Variants in TRIM67 observed in about 807,000 individuals in gnomAD.
TRIM67 encodes the protein tripartite motif containing 67, also known as tripartite motif-containing protein 67.
A neutral mutation model predicts 71.0 loss-of-function variants in TRIM67; 39 were observed. That is an observed-to-expected ratio of 0.55 (90% confidence interval 0.43 to 0.72). The LOEUF (loss-of-function observed/expected upper bound fraction) is 0.72, where lower values mean the gene tolerates loss of function less well. TRIM67 is among the 30% of genes least tolerant of loss of function. The pLI is 0.00. For synonymous variants in TRIM67, 481 were observed against 473.9 expected (o/e 1.01, Z -0.19); for missense variants, 973 against 1,079.2 (o/e 0.90, Z 1.38).
Position 231,220,055 on chromosome 1 carries a change from C to T in TRIM67, c.*4615C>T, listed in dbSNP as rs1684103805. 17 of 867,890 alleles carry T rather than the reference C, an allele frequency of 2.0e-5. No individual in the cohort carries two copies. The highest frequency in any genetic ancestry group is 2.8e-5 in the Non-Finnish European group (17 of 604,478). 53.8% of individuals were successfully genotyped at this position (867,890 alleles called of 1,614,324 possible). A position where few individuals can be genotyped will look rare whatever the true frequency, so the allele number is the denominator to read the frequency against. On this transcript the variant is annotated 3_prime_UTR_variant, in exon 10 of 10. Transcript: ENST00000366653. ...AATGAGACTAGTCATACTAACCTAC[C>T]TCCTCTGATGTATTGTGAGGATTAT... is the stretch of plus-strand genomic sequence containing the variant.
chr1:231,180,452 A>G (rs1013158817), intron 1 of TRIM67, among the ~76,000 whole-genome samples: 2 of 152,166 alleles, frequency 1.3e-5, no homozygotes, highest in African/African-American at 4.8e-5. Flanking sequence ...ACTGTCTTTA[A>G]GAACAACTTC....
intron 3 of TRIM67, among the ~76,000 whole-genome samples, chr1:231,199,628 A>G (rs1184720160): frequency 2.0e-5 from 3 of 152,080 alleles, no homozygotes; most frequent in Non-Finnish European, 4.4e-5. Flanking sequence ...TGAGTCCCTA[A>G]CTCAGCCAGG....
rs3049035 is a variant in TRIM67, at chr1:231,193,503, G to GCTCTCTCTCTCTCTCTCTCTCTCT, written c.1045-3844_1045-3821dup. 4.3e-4 allele frequency among the ~76,000 whole-genome samples: 35 copies of GCTCTCTCTCTCTCTCTCTCTCTCT among 81,986 alleles called. 3 individuals are homozygous for GCTCTCTCTCTCTCTCTCTCTCTCT. Among genetic ancestry groups the GCTCTCTCTCTCTCTCTCTCTCTCT allele is most frequent in the African/African-American group, 8.2e-4 (18 of 21,958 alleles). 53.8% of individuals were successfully genotyped at this position (81,986 alleles called of 152,430 possible). A position where few individuals can be genotyped will look rare whatever the true frequency, so the allele number is the denominator to read the frequency against. On this transcript the variant is annotated intron_variant, in intron 1 of 9. Transcript: ENST00000366653. ...AAGAGACACCTGAACTCTCTCTCAA[G>GCTCTCTCTCTCTCTCTCTCTCTCT]CTCTCTCTCTCTCTCTCTCTCTCTC...
chr1:231,209,089 G>A lies in TRIM67; in HGVS notation c.1962G>A (p.Glu654=). 6.2e-7 allele frequency: 1 copy of A among 1,613,978 alleles called. No individual in the cohort carries two copies. Among genetic ancestry groups the A allele is most frequent in the South Asian group, 1.1e-5 (1 of 91,076 alleles). ...AAFSKGVHYW[E]LHVDRYDNHP... The stretch of plus-strand genomic sequence containing the variant: ...TCTCCAAGGGCGTGCACTACTGGGA[G>A]CTGCACGTGGACCGGTACGACAACC... The change falls in exon 8 of 10, where the codon GAG becomes GAA. Residue 654 remains glutamate (E), a synonymous_variant. Transcript: ENST00000366653. The surrounding 1 kb of genome is among the most constrained non-coding windows in gnomAD (Gnocchi z 4.1).
In TRIM67 at chr1:231,162,272, G is replaced by T. The variant is rs1026207642; in HGVS notation, c.-698G>T. 1 of 152,210 alleles carries T rather than the reference G, an allele frequency of 6.6e-6. No homozygotes were observed. Among genetic ancestry groups the T allele is most frequent in the African/African-American group, 2.4e-5 (1 of 41,448 alleles). The allele number at this position is 152,210 out of a possible 1,614,324, so 9.4% of individuals were successfully genotyped here. On this transcript the variant is annotated 5_prime_UTR_variant, in exon 1 of 10. Coordinates refer to ENST00000366653, the MANE Select transcript of TRIM67 (RefSeq NM_001004342.5). ...AAGCCCCAGGGCGCAGTCAGCCGGC[G>T]TCCACAGCCGCCCAGGAGTAGGGTG...
In TRIM67 at chr1:231,219,265, T is replaced by C; in HGVS notation, c.*3825T>C. On this transcript the variant is annotated 3_prime_UTR_variant, in exon 10 of 10. Transcript: ENST00000366653. ...ACATCCCTGGTCTCTACCCATCATC[T>C]GCCAGTAGCAACCCCCAAGTTAGGT... is the stretch of plus-strand genomic sequence containing the variant. 1 of 979,662 alleles carries C rather than the reference T, an allele frequency of 1.0e-6. No individual in the cohort carries two copies. The highest frequency in any genetic ancestry group is 1.2e-6 in the Non-Finnish European group (1 of 824,378). The allele number at this position is 979,662 out of a possible 1,614,324, so 60.7% of individuals were successfully genotyped here. A position where few individuals can be genotyped will look rare whatever the true frequency, so the allele number is the denominator to read the frequency against.
Position 231,214,057 on chromosome 1 carries a change from A to T in TRIM67, c.2286+80A>T, listed in dbSNP as rs1683944020. The stretch of plus-strand genomic sequence containing the variant: ...AGGTCTCTGCAGTGCCCTTGGGCAG[A>T]GTGGGCCATAAAGAAGCTGACCACA... On this transcript the variant is annotated intron_variant, in intron 9 of 9. Coordinates refer to ENST00000366653, the MANE Select transcript of TRIM67 (RefSeq NM_001004342.5). 10 of 1,443,532 alleles carry T rather than the reference A, an allele frequency of 6.9e-6. No individual in the cohort carries two copies. In the Middle Eastern group the frequency reaches 6.0e-4, roughly 87 times the overall value. 89.4% of individuals were successfully genotyped at this position (1,443,532 alleles called of 1,614,324 possible). A position where few individuals can be genotyped will look rare whatever the true frequency, so the allele number is the denominator to read the frequency against.
chr1:231,185,314 GA>G, intron 1 of TRIM67: 1 of 1,167,028 alleles, frequency 8.6e-7, no homozygotes, highest in Non-Finnish European at 1.2e-6. Context: ...TCTGAGAAAA[GA>G]AAAGGAAGGA....
chr1:231,185,942 C>G (rs182391487), intron 1 of TRIM67: 2 of 688,810 alleles, frequency 2.9e-6, no homozygotes, highest in Admixed American at 4.9e-5. Flanking sequence ...GTGTGATAAA[C>G]GGCCGTGACA....
At chr1:231,188,490 C>T (rs1014754172) in intron 1 of TRIM67, among the ~76,000 whole-genome samples, 1 of 152,154 alleles carries the variant, frequency 6.6e-6, no homozygotes, top group Admixed American at 6.5e-5. Context: ...TGGGTGGTCT[C>T]AGCCCAGCAG....
chr1:231,204,293 A>G (rs1449529169), intron 6 of TRIM67, among the ~76,000 whole-genome samples: 11 of 152,190 alleles, frequency 7.2e-5, no homozygotes, highest in South Asian at 2.1e-4. Context: ...TCACACAGCA[A>G]CACATTCCCT....
intron 1 of TRIM67, chr1:231,184,149 C>A (rs889875929): frequency 6.7e-6 from 1 of 149,552 alleles, no homozygotes; most frequent in Admixed American, 6.6e-5. Flanking sequence ...ACTGGGGAGA[C>A]TCAGCCTTCA....
chr1:231,193,102 G>T (rs1010607714), intron 1 of TRIM67, among the ~76,000 whole-genome samples: 1 of 152,202 alleles, frequency 6.6e-6, no homozygotes, highest in African/African-American at 2.4e-5. Flanking sequence ...TGCCTCTCAG[G>T]CAGAAGCAAG....
At chr1:231,186,139 G>A in intron 1 of TRIM67, 2 of 1,532,192 alleles carry the variant, frequency 1.3e-6, no homozygotes, top group East Asian at 2.4e-5. Context: ...TGGATGAAGG[G>A]CTTGACAGCC....
chr1:231,209,399 C>A lies in TRIM67; in HGVS notation c.2123+149C>A, dbSNP rs975140042. 4.5e-6 allele frequency: 4 copies of A among 892,176 alleles called. No individual in the cohort carries two copies. The highest frequency in any genetic ancestry group is 4.9e-6 in the Non-Finnish European group (3 of 609,944). The allele number at this position is 892,176 out of a possible 1,614,324, so 55.3% of individuals were successfully genotyped here. ...ACTTTGGTCTCCATTTTCTAGGAGG[C>A]CTTCACTCTGCCCATATAGAACTGG... On this transcript the variant is annotated intron_variant, in intron 8 of 9. Coordinates refer to ENST00000366653, the MANE Select transcript of TRIM67 (RefSeq NM_001004342.5). This position sits in a 1 kb window ranked among gnomAD's most constrained non-coding sequence, Gnocchi z 4.1.
At chr1:231,181,601 TC>T (rs1342032655) in intron 1 of TRIM67, among the ~76,000 whole-genome samples, 12 of 152,200 alleles carry the variant, frequency 7.9e-5, no homozygotes, top group African/African-American at 2.9e-4. Context: ...TTTCCTTTGG[TC>T]ACAGAAAAAT....
rs1409478094 is a variant in TRIM67, at chr1:231,220,577, A to G, written c.*5137A>G. The G allele has an allele frequency of 6.6e-6, 1 of 152,306 alleles. No homozygotes were observed. Among genetic ancestry groups the G allele is most frequent in the Non-Finnish European group, 1.5e-5 (1 of 68,126 alleles). 9.4% of individuals were successfully genotyped at this position (152,306 alleles called of 1,614,324 possible). A position where few individuals can be genotyped will look rare whatever the true frequency, so the allele number is the denominator to read the frequency against. On this transcript the variant is annotated 3_prime_UTR_variant, in exon 10 of 10. Coordinates refer to ENST00000366653, the MANE Select transcript of TRIM67 (RefSeq NM_001004342.5). ...AATCCAGTGTGGATAGCACGAAGAGATGCAACTGAGCCGAAGTTTTGAAGG... is the reference window on the plus strand; with the variant it reads ...AATCCAGTGTGGATAGCACGAAGAGGTGCAACTGAGCCGAAGTTTTGAAGG...
At chr1:231,195,429 A>G (rs966917188) in intron 1 of TRIM67, among the ~76,000 whole-genome samples, 3 of 152,216 alleles carry the variant, frequency 2.0e-5, no homozygotes, top group African/African-American at 4.8e-5. Context: ...GGGATGTTTC[A>G]CTGCCTAGGT....
rs541763225 is a variant in TRIM67 at position 231,162,825 on chromosome 1, C to A, written c.-145C>A. ...GCTACAGGACAGAGAGAGGGGCGTGCCCCTCGGCTGTGAAGTGGGCATGCC... is the reference window on the plus strand; with the variant it reads ...GCTACAGGACAGAGAGAGGGGCGTGACCCTCGGCTGTGAAGTGGGCATGCC... On this transcript the variant is annotated 5_prime_UTR_variant, in exon 1 of 10. Coordinates refer to ENST00000366653, the MANE Select transcript of TRIM67 (RefSeq NM_001004342.5). 61 of 1,043,774 alleles carry A rather than the reference C, an allele frequency of 5.8e-5. 1 individual carries two copies. The African/African-American group carries it at 5.9e-4, about 10-fold the overall frequency. 64.7% of individuals were successfully genotyped at this position (1,043,774 alleles called of 1,614,324 possible). A position where few individuals can be genotyped will look rare whatever the true frequency, so the allele number is the denominator to read the frequency against.
Sources: gnomAD v4.1 joint callset for allele counts (sites outside exome capture counted in the v4.1 genomes callset) on GRCh38, gnomAD v4.1.1 for gene constraint, Gnocchi (gnomAD v3.1) non-coding constraint, MANE v1.5 for transcripts, NCBI Gene and HGNC (gene_info 2026-07-23, HGNC 2026-07-21) for gene names.